The following SLC16A7 variants were observed in gnomAD, a reference collection of about 807,000 sequenced individuals.
SLC16A7 encodes monocarboxylate transporter 2.
A neutral mutation model predicts 34.9 loss-of-function variants in SLC16A7; 33 were observed. The observed-to-expected ratio is 0.94, with a 90% CI of 0.72 to 1.26. SLC16A7 has a LOEUF of 1.26. Among genes scored for constraint, SLC16A7 ranks in the 50% most tolerant of loss-of-function variants. SLC16A7 has a pLI of 0.00. For missense variants in SLC16A7, 573 were observed against 578.1 expected, an observed-to-expected ratio of 0.99 and a Z score of 0.09; for synonymous variants, 201 against 206.6, an observed-to-expected ratio of 0.97 and a Z score of 0.23.
intron 3 of SLC16A7, among the ~76,000 whole-genome samples, chr12:59,734,441 G>A (rs1877346156): frequency 6.6e-6 from 1 of 152,210 alleles, no homozygotes; most frequent in Non-Finnish European, 1.5e-5. Flanking sequence ...GAGCCTGCAG[G>A]GGCAGGGGGG....
chr12:59,741,050 T>G (rs1033083700), intron 3 of SLC16A7, among the ~76,000 whole-genome samples: 18 of 152,012 alleles, frequency 1.2e-4, no homozygotes, highest in African/African-American at 4.1e-4. Context: ...CACTGCTCAA[T>G]GAAATAAAAG....
intron 2 of SLC16A7, among the ~76,000 whole-genome samples, chr12:59,665,844 C>A (rs944250631): frequency 7.1e-6 from 1 of 140,006 alleles, no homozygotes; most frequent in East Asian, 2.1e-4. Context: ...GTGTGTGTGT[C>A]TATGTGTGTG....
intron 3 of SLC16A7, among the ~76,000 whole-genome samples, chr12:59,738,708 C>T (rs1877899937): frequency 6.6e-6 from 1 of 152,028 alleles, no homozygotes; most frequent in Non-Finnish European, 1.5e-5. Flanking sequence ...AATGACTGCT[C>T]ATAGGTGAAA....
rs1882601336 is a variant in SLC16A7 at position 59,774,996 on chromosome 12, AT to A, written c.702del (p.Asn234LysfsTer4). On this transcript the variant is annotated frameshift_variant, in exon 5 of 6. Coordinates refer to ENST00000547379, the MANE Select transcript of SLC16A7 (RefSeq NM_001270623.2). LOFTEE classifies it high-confidence loss of function. ...KTKKSTWEKV[N>X]KYLDFSLFKH... ...AAGAAATCAACTTGGGAAAAAGTTA[AT>A]AAGTATTTAGATTTCTCCCTTTTTA... The A allele has an allele frequency of 6.2e-7, 1 of 1,613,720 alleles. No homozygotes were observed. The highest frequency in any genetic ancestry group is 1.3e-5 in the African/African-American group (1 of 74,894).
At chr12:59,776,260 A>C (rs1424421783) in intron 5 of SLC16A7, among the ~76,000 whole-genome samples, 1 of 152,210 alleles carries the variant, frequency 6.6e-6, no homozygotes, top group Non-Finnish European at 1.5e-5. Flanking sequence ...CAGAAGCATT[A>C]GATTTTTGTT....
In SLC16A7 at chr12:59,743,634, T is replaced by C. The variant is rs940395093; in HGVS notation, c.218-27585T>C. ...AATCAATTTTCAAGTAAATTAAGAC[T>C]TTAACAAATTTTTATTAAACAAATT... On this transcript the variant is annotated intron_variant, in intron 3 of 5. Coordinates refer to ENST00000547379, the MANE Select transcript of SLC16A7 (RefSeq NM_001270623.2). Among the ~76,000 whole-genome samples, 12 of 152,324 alleles carry C rather than the reference T, an allele frequency of 7.9e-5. No individual in the cohort carries two copies. In the East Asian group the frequency reaches 9.6e-4, roughly 12 times the overall value.
intron 3 of SLC16A7, among the ~76,000 whole-genome samples, chr12:59,707,737 A>G (rs1873753456): frequency 6.6e-6 from 1 of 152,102 alleles, no homozygotes; most frequent in African/African-American, 2.4e-5. Context: ...AATTCTTGGT[A>G]TTTAGTAATT....
At chr12:59,609,139 C>T (rs1360963408) in intron 1 of SLC16A7, among the ~76,000 whole-genome samples, 2 of 152,102 alleles carry the variant, frequency 1.3e-5, no homozygotes, top group Non-Finnish European at 2.9e-5. Flanking sequence ...TCCCGGTATC[C>T]CTATGTGGTA....
At chr12:59,625,597 A>G (rs1451312706) in intron 1 of SLC16A7, among the ~76,000 whole-genome samples, 2 of 151,806 alleles carry the variant, frequency 1.3e-5, no homozygotes, top group East Asian at 3.9e-4. Flanking sequence ...ACATAGTTGT[A>G]GTGAGGAATA....
Position 59,780,243 on chromosome 12 carries a change from C to T in SLC16A7, c.*564C>T, listed in dbSNP as rs1000341802. 3.3e-5 allele frequency: 5 copies of T among 151,592 alleles called. No individual in the cohort carries two copies. Among genetic ancestry groups the T allele is most frequent in the African/African-American group, 9.7e-5 (4 of 41,270 alleles). The allele number at this position is 151,592 out of a possible 1,614,324, so 9.4% of individuals were successfully genotyped here. On this transcript the variant is annotated 3_prime_UTR_variant, in exon 6 of 6. Coordinates refer to ENST00000547379, the MANE Select transcript of SLC16A7 (RefSeq NM_001270623.2). ...AATTTATTTTTAAGGTAAAAATAAT[C>T]CATGAAGATAAAAGAAACATATGTC...
intron 1 of SLC16A7, among the ~76,000 whole-genome samples, chr12:59,646,690 C>G (rs1445948256): frequency 6.6e-6 from 1 of 152,072 alleles, no homozygotes; most frequent in Non-Finnish European, 1.5e-5. Flanking sequence ...GTAGATCCAC[C>G]AACAGCTTGC....
At chr12:59,646,066 AT>A (rs1430674299) in intron 1 of SLC16A7, among the ~76,000 whole-genome samples, 1 of 152,096 alleles carries the variant, frequency 6.6e-6, no homozygotes, top group Non-Finnish European at 1.5e-5. Context: ...AGTTTGGAAA[AT>A]TTTCAGCCTA....
intron 3 of SLC16A7, among the ~76,000 whole-genome samples, chr12:59,706,115 G>C (rs755861746): frequency 1.4e-4 from 21 of 152,104 alleles, no homozygotes; most frequent in Non-Finnish European, 3.1e-4. Flanking sequence ...AACAGAGACT[G>C]TAACTCCTAG....
At chr12:59,689,070 A>G (rs956048442) in intron 2 of SLC16A7, among the ~76,000 whole-genome samples, 7 of 151,970 alleles carry the variant, frequency 4.6e-5, no homozygotes, top group African/African-American at 7.2e-5. Flanking sequence ...GAATTATGCT[A>G]TCATACAGGT....
chr12:59,755,453 T>C (rs77164432), intron 3 of SLC16A7, among the ~76,000 whole-genome samples: 22,748 of 151,460 alleles, frequency 0.15, 2,009 homozygotes, highest in Non-Finnish European at 0.19. Context: ...CATTCTTATA[T>C]ACCAATAACA....
chr12:59,681,001 A>G (rs1026935705), intron 2 of SLC16A7, among the ~76,000 whole-genome samples: 1 of 152,222 alleles, frequency 6.6e-6, no homozygotes, highest in Admixed American at 6.5e-5. Flanking sequence ...CAGCAGCAAC[A>G]AAAAACACTG....
intron 3 of SLC16A7, among the ~76,000 whole-genome samples, chr12:59,708,190 C>T (rs1473635073): frequency 6.6e-6 from 1 of 152,006 alleles, no homozygotes; most frequent in East Asian, 1.9e-4. Context: ...TAATCTAAGA[C>T]ACAGGTATTA....
At chr12:59,756,697 G>A (rs1258029485) in intron 3 of SLC16A7, among the ~76,000 whole-genome samples, 1 of 139,322 alleles carries the variant, frequency 7.2e-6, no homozygotes, top group Non-Finnish European at 1.5e-5. Context: ...AGACAGTGTG[G>A]CGATTCCTCA....
intron 1 of SLC16A7, among the ~76,000 whole-genome samples, chr12:59,599,071 CAT>C (rs1878561149): frequency 6.7e-6 from 1 of 149,114 alleles, no homozygotes; most frequent in Non-Finnish European, 1.5e-5. Context: ...ACCACTGTGT[CAT>C]ATAGCTTCTG....
Sources: gnomAD v4.1 joint callset for allele counts (sites outside exome capture counted in the v4.1 genomes callset) on GRCh38, gnomAD v4.1.1 for gene constraint, MANE v1.5 for transcripts, NCBI Gene and HGNC (gene_info 2026-07-23, HGNC 2026-07-21) for gene names.